The following SEMA5A variants were observed in gnomAD, a reference collection of about 807,000 sequenced individuals.
SEMA5A encodes the protein semaphorin 5A.
In SEMA5A, 55 loss-of-function variants were observed where a neutral mutation model predicts 135.5. The observed-to-expected ratio is 0.41, with a 90% CI of 0.33 to 0.51. The LOEUF is 0.51. SEMA5A is among the 20% of genes least tolerant of loss of function. SEMA5A has a pLI of 0.37. For synonymous variants in SEMA5A, 580 were observed against 546.5 expected, an observed-to-expected ratio of 1.06 and a Z score of -0.85; for missense variants, 1,290 against 1,419.9, an observed-to-expected ratio of 0.91 and a Z score of 1.47.
At chr5:9,530,273 G>T (rs1017528356) in intron 1 of SEMA5A, among the ~76,000 whole-genome samples, 1 of 152,192 alleles carries the variant, frequency 6.6e-6, no homozygotes, top group African/African-American at 2.4e-5. Flanking sequence ...ACACATGGTT[G>T]CTTGTGATGA....
chr5:9,384,619 CATAGATAG>C (rs67211847), intron 2 of SEMA5A, among the ~76,000 whole-genome samples: 9,394 of 84,848 alleles, frequency 0.11, 1,003 homozygotes, highest in African/African-American at 0.2. Flanking sequence ...TAGATAGATA[CATAGATAG>C]ATAGATAGAT....
intron 16 of SEMA5A, among the ~76,000 whole-genome samples, chr5:9,105,477 A>T (rs1470735102): frequency 6.6e-6 from 1 of 152,240 alleles, no homozygotes; most frequent in African/African-American, 2.4e-5. Flanking sequence ...TACTTTCCAC[A>T]AACATATTCT....
At chr5:9,464,112 A>T (rs2126736113) in intron 1 of SEMA5A, among the ~76,000 whole-genome samples, 1 of 152,356 alleles carries the variant, frequency 6.6e-6, no homozygotes, top group South Asian at 2.1e-4. Context: ...AGACACCAGC[A>T]GCAGCTCTCC....
chr5:9,152,193 C>G (rs1453975402), intron 12 of SEMA5A, among the ~76,000 whole-genome samples: 1 of 152,234 alleles, frequency 6.6e-6, no homozygotes, highest in Non-Finnish European at 1.5e-5. Context: ...ACCCTGCAGA[C>G]AGCACAGGCC....
chr5:9,158,842 A>G (rs1217689755), intron 11 of SEMA5A, among the ~76,000 whole-genome samples: 1 of 152,220 alleles, frequency 6.6e-6, no homozygotes, highest in Admixed American at 6.5e-5. Context: ...TTGTAATTAC[A>G]TGAAAACATC....
At chr5:9,422,098 A>T (rs1442932222) in intron 2 of SEMA5A, among the ~76,000 whole-genome samples, 1 of 152,234 alleles carries the variant, frequency 6.6e-6, no homozygotes, top group Non-Finnish European at 1.5e-5. Context: ...ATCCAGTGAA[A>T]GAGGAACTTG....
At chr5:9,533,471 C>T (rs893123402) in intron 1 of SEMA5A, among the ~76,000 whole-genome samples, 1 of 152,076 alleles carries the variant, frequency 6.6e-6, no homozygotes, top group Admixed American at 6.6e-5. Context: ...TATGAACAGA[C>T]CATATTGTAT....
intron 17 of SEMA5A, 134 bp downstream of exon 17, chr5:9,066,287 G>A (rs1256558848): frequency 1.3e-6 from 1 of 793,270 alleles, no homozygotes; most frequent in Non-Finnish European, 2.2e-6. Context: ...TGCTCTACAG[G>A]GATCATTGTT....
intron 12 of SEMA5A, among the ~76,000 whole-genome samples, chr5:9,139,205 A>G (rs1363501066): frequency 1.3e-5 from 2 of 152,226 alleles, no homozygotes; most frequent in South Asian, 4.1e-4. Flanking sequence ...ACTAGTTTAC[A>G]TTCCCACCAG....
intron 5 of SEMA5A, among the ~76,000 whole-genome samples, chr5:9,301,293 G>A (rs1246574773): frequency 6.6e-6 from 1 of 152,164 alleles, no homozygotes; most frequent in Non-Finnish European, 1.5e-5. Flanking sequence ...TTTAGGCAGC[G>A]AATTCATAAG....
At position 9,306,376 on chromosome 5, in the gene SEMA5A, T is replaced by G. The variant is rs893617598; in HGVS notation, c.270+11996A>C. Among the ~76,000 whole-genome samples, 5 of 152,340 alleles carry G rather than the reference T, an allele frequency of 3.3e-5. No homozygotes were observed. In the East Asian group the frequency reaches 5.8e-4, roughly 18 times the overall value. ...TTTGAATATTTTCCACAGACTGGTC[T>G]TCCAGTTCACTAATACAATATTTTT... On this transcript the variant is annotated intron_variant, in intron 5 of 22. Coordinates refer to ENST00000382496, the MANE Select transcript of SEMA5A (RefSeq NM_003966.3).
At chr5:9,321,801 C>T (rs1168750356) in intron 4 of SEMA5A, among the ~76,000 whole-genome samples, 3 of 152,134 alleles carry the variant, frequency 2.0e-5, no homozygotes, top group Non-Finnish European at 4.4e-5. Context: ...AATGAATTAC[C>T]TAAGAGCTTT....
At chr5:9,485,493 G>A (rs1001525726) in intron 1 of SEMA5A, among the ~76,000 whole-genome samples, 5 of 152,170 alleles carry the variant, frequency 3.3e-5, no homozygotes, top group African/African-American at 9.7e-5. Flanking sequence ...ATGAGCAAAC[G>A]AAACAGAAGC....
intron 21 of SEMA5A, chr5:9,046,005 G>C (rs543407178): frequency 1.3e-5 from 2 of 152,230 alleles, no homozygotes; most frequent in African/African-American, 2.4e-5. Flanking sequence ...GCAGCATCTC[G>C]TCAGTGCCAC....
intron 2 of SEMA5A, among the ~76,000 whole-genome samples, chr5:9,421,517 T>G (rs1757468197): frequency 1.3e-5 from 2 of 152,192 alleles, no homozygotes; most frequent in Non-Finnish European, 2.9e-5. Context: ...TATATACGGG[T>G]GTTTTTCTTT....
chr5:9,388,517 C>T (rs1042535154), intron 2 of SEMA5A, among the ~76,000 whole-genome samples: 8 of 151,390 alleles, frequency 5.3e-5, no homozygotes, highest in Admixed American at 2.6e-4. Context: ...AATGGGCTTT[C>T]AAGGCAATGT....
chr5:9,111,728 G>C (rs1423253082), intron 15 of SEMA5A, among the ~76,000 whole-genome samples: 1 of 152,124 alleles, frequency 6.6e-6, no homozygotes, highest in Admixed American at 6.5e-5. Flanking sequence ...TTGTGTCTGG[G>C]TTTTCACTTA....
chr5:9,365,328 A>G (rs1263336700), intron 3 of SEMA5A, among the ~76,000 whole-genome samples: 1 of 152,124 alleles, frequency 6.6e-6, no homozygotes, highest in Non-Finnish European at 1.5e-5. Context: ...TTAATATAAT[A>G]TTTTTCAAGG....
chr5:9,341,111 CA>C (rs1267103247), intron 3 of SEMA5A, among the ~76,000 whole-genome samples: 1 of 151,728 alleles, frequency 6.6e-6, no homozygotes, highest in African/African-American at 2.4e-5. Flanking sequence ...ATTATAGCTT[CA>C]AAAACCCCAA....
Sources: allele counts gnomAD v4.1 joint callset (sites outside exome capture counted in the v4.1 genomes callset), GRCh38; gene constraint gnomAD v4.1.1; transcripts MANE v1.5; gene names NCBI Gene and HGNC (gene_info 2026-07-23, HGNC 2026-07-21).